Variants in WDR82 observed in about 807,000 individuals in gnomAD.
The protein encoded by WDR82 is WD repeat domain 82.
In WDR82, 8 loss-of-function variants were observed where a neutral mutation model predicts 36.1. The observed-to-expected ratio is 0.22, with a 90% CI of 0.13 to 0.40. The LOEUF (loss-of-function observed/expected upper bound fraction) is 0.40, where lower values mean the gene tolerates loss of function less well. Ranked by LOEUF, WDR82 falls within the 10% of genes least tolerant of loss-of-function variation. The pLI is 1.00. For missense variants in WDR82, 185 were observed against 400.5 expected (o/e 0.46, Z 4.59); for synonymous variants, 129 against 137.8 (o/e 0.94, Z 0.45).
At position 52,259,882 on chromosome 3, in the gene WDR82, A is replaced by T; in HGVS notation, c.544-10T>A. Reference sequence around the variant, plus strand: ...AGGTAGCAAATGGCCCCTGCAAAAGATAAAAAACAGTAGCCCCAGGCATAT... The same window carrying T: ...AGGTAGCAAATGGCCCCTGCAAAAGTTAAAAAACAGTAGCCCCAGGCATAT... On this transcript the variant is annotated splice_polypyrimidine_tract_variant and intron_variant, in intron 5 of 8. Coordinates refer to ENST00000296490, the MANE Select transcript of WDR82 (RefSeq NM_025222.4). The T allele has an allele frequency of 6.2e-7, 1 of 1,609,632 alleles. No individual in the cohort carries two copies. The highest frequency in any genetic ancestry group is 1.3e-5 in the African/African-American group (1 of 74,792).
At position 52,256,847 on chromosome 3, in the gene WDR82, G is replaced by C. The variant is rs1700013971; in HGVS notation, c.*643C>G. The C allele has an allele frequency of 6.6e-6, 1 of 152,650 alleles. No individual in the cohort carries two copies. Among genetic ancestry groups the C allele is most frequent in the Non-Finnish European group, 1.5e-5 (1 of 68,120 alleles). The allele number at this position is 152,650 out of a possible 1,614,324, so 9.5% of individuals were successfully genotyped here. ...TTCCCACCCAACACCTACAGCCCGA[G>C]GCCTGCCCAACCACCTAGCCTCACA... On this transcript the variant is annotated 3_prime_UTR_variant, in exon 9 of 9. Coordinates refer to ENST00000296490, the MANE Select transcript of WDR82 (RefSeq NM_025222.4).
At chr3:52,264,806 T>C (rs1700091410) in intron 3 of WDR82, among the ~76,000 whole-genome samples, 1 of 152,068 alleles carries the variant, frequency 6.6e-6, no homozygotes. Flanking sequence ...ACTCTTTTTT[T>C]TGGAGACACG....
At chr3:52,265,699 C>T (rs1166826531) in intron 3 of WDR82, among the ~76,000 whole-genome samples, 2 of 151,802 alleles carry the variant, frequency 1.3e-5, no homozygotes, top group East Asian at 1.9e-4. Flanking sequence ...CCTGAGCCTC[C>T]GAAGTAGTAG....
intron 3 of WDR82, among the ~76,000 whole-genome samples, chr3:52,264,326 A>G (rs1700087309): frequency 2.0e-5 from 3 of 152,222 alleles, no homozygotes; most frequent in South Asian, 4.1e-4. Context: ...TTTAGAGTCA[A>G]AACAGAGGCT....
At chr3:52,268,983 T>C (rs1700129885) in intron 2 of WDR82, among the ~76,000 whole-genome samples, 1 of 152,064 alleles carries the variant, frequency 6.6e-6, no homozygotes, top group Non-Finnish European at 1.5e-5. Flanking sequence ...CCTGGCTAAT[T>C]TTTGTATTTT....
intron 3 of WDR82, among the ~76,000 whole-genome samples, chr3:52,266,060 A>G (rs1272525533): frequency 1.3e-5 from 2 of 152,226 alleles, no homozygotes; most frequent in Non-Finnish European, 2.9e-5. Context: ...AAATTAGAGA[A>G]AAAAGTAACT....
At position 52,278,386 on chromosome 3, in the gene WDR82, C is replaced by G. The variant is rs768129950; in HGVS notation, c.-25G>C. Reference sequence around the variant, plus strand: ...TGGCGGCGGCTGGGGAAGGCAGCGGCGGCGCAGGGCCGGGGCGGGGCCCGG... The same window carrying G: ...TGGCGGCGGCTGGGGAAGGCAGCGGGGGCGCAGGGCCGGGGCGGGGCCCGG... On this transcript the variant is annotated 5_prime_UTR_variant, in exon 1 of 9. Coordinates refer to ENST00000296490, the MANE Select transcript of WDR82 (RefSeq NM_025222.4). 6 of 1,469,674 alleles carry G rather than the reference C, an allele frequency of 4.1e-6. No homozygotes were observed. In the South Asian group the frequency reaches 6.4e-5, roughly 16 times the overall value. 91.0% of individuals were successfully genotyped at this position (1,469,674 alleles called of 1,614,324 possible). A position where few individuals can be genotyped will look rare whatever the true frequency, so the allele number is the denominator to read the frequency against.
At chr3:52,272,111 CATTTCCAAGCTAGAGGTT>C (rs1449131027) in intron 1 of WDR82, among the ~76,000 whole-genome samples, 1 of 152,134 alleles carries the variant, frequency 6.6e-6, no homozygotes, top group Non-Finnish European at 1.5e-5. Context: ...AAAAATCACA[CATTTCCAAGCTAGAGGTT>C]ATCAATCTCC....
intron 4 of WDR82, among the ~76,000 whole-genome samples, chr3:52,260,789 CAAATAAAAATA>C (rs1307689540): frequency 1.3e-5 from 2 of 152,188 alleles, no homozygotes; most frequent in African/African-American, 4.8e-5. Flanking sequence ...ACACAGAATT[CAAATAAAAATA>C]AATCCCTTGA....
intron 5 of WDR82, 117 bp from the exon 6 acceptor site, chr3:52,259,989 C>T (rs1700046575): frequency 8.0e-7 from 1 of 1,247,052 alleles, no homozygotes; most frequent in Non-Finnish European, 1.1e-6. Context: ...GAATGAGCTA[C>T]TTCTCTGCCA....
chr3:52,277,101 T>TAATAATAATA (rs899698387), intron 1 of WDR82, among the ~76,000 whole-genome samples: 1 of 145,942 alleles, frequency 6.9e-6, no homozygotes, highest in African/African-American at 2.5e-5. Context: ...ATAATAATAA[T>TAATAATAATA]ATCTGTTACT....
In WDR82 at chr3:52,258,595, T is replaced by C. The variant is rs1478883724; in HGVS notation, c.853A>G (p.Ile285Val). ...TTGGGGTTGAATTGCAAACAGGTAA[T>C]CGGGCCTGTGTGTTTACCATCCAAC... ...AVLDGKHTGP[I>V]TCLQFNPKFM... Residue 285 changes from isoleucine to valine, a missense_variant, in exon 8 of 9, where the codon ATT becomes GTT. Ile to Val is a conservative substitution (Grantham distance 29). This residue lies in a region of WDR82 where 110 missense variants were observed against 212.6 expected (regional missense o/e 0.52). Transcript: ENST00000296490. 1 of 1,614,134 alleles carries C rather than the reference T, an allele frequency of 6.2e-7. No homozygotes were observed. Among genetic ancestry groups the C allele is most frequent in the Non-Finnish European group, 8.5e-7 (1 of 1,179,992 alleles).
chr3:52,267,829 T>C (rs1250491983), intron 2 of WDR82: 2 of 152,560 alleles, frequency 1.3e-5, no homozygotes, highest in South Asian at 2.0e-4. Flanking sequence ...AACTGCAAAA[T>C]AGAAAAGTAT....
In WDR82 at chr3:52,258,646, C is replaced by T; in HGVS notation, c.802G>A (p.Gly268Arg). The change falls in exon 8 of 9, where the codon GGA (glycine) becomes AGA (arginine). Residue 268 changes from glycine to arginine, a missense_variant. Physicochemically the swap from Gly to Arg is moderately radical, Grantham distance 125 (BLOSUM62 -2). Transcript: ENST00000296490. ...SEDGKIHVWN[G>R]ESGIKVAVLD... ...ACAGCTACTTTTATACCGCTCTCTCCATTCCAGACATGGATCTTGCCATCC... is the reference window on the plus strand; with the variant it reads ...ACAGCTACTTTTATACCGCTCTCTCTATTCCAGACATGGATCTTGCCATCC... The T allele has an allele frequency of 6.2e-7, 1 of 1,614,258 alleles. No homozygotes were observed. Among genetic ancestry groups the T allele is most frequent in the Non-Finnish European group, 8.5e-7 (1 of 1,180,048 alleles).
At chr3:52,267,169 G>A (rs150005819) in intron 2 of WDR82, 151 bp from the exon 3 acceptor site, 169 of 540,282 alleles carry the variant, frequency 3.1e-4, no homozygotes, top group African/African-American at 2.8e-3. Flanking sequence ...ATTCTACTCT[G>A]CAGCTGAAGA....
intron 1 of WDR82, 186 bp downstream of exon 1, chr3:52,278,014 CT>C (rs370927208): frequency 4.3e-3 from 1,805 of 421,530 alleles, no homozygotes; most frequent in African/African-American, 5.8e-3. Flanking sequence ...CTATCGTTAT[CT>C]TTTTTTTTTA....
At chr3:52,262,249 G>C (rs1043560367) in intron 3 of WDR82, among the ~76,000 whole-genome samples, 2 of 152,200 alleles carry the variant, frequency 1.3e-5, no homozygotes, top group African/African-American at 4.8e-5. Flanking sequence ...TAGGGGCTGA[G>C]GGAGTGATTA....
intron 3 of WDR82, among the ~76,000 whole-genome samples, chr3:52,265,911 C>T (rs1700102271): frequency 6.6e-6 from 1 of 152,090 alleles, no homozygotes; most frequent in South Asian, 2.1e-4. Context: ...GCTCTCAGGC[C>T]ATCTCCTGTC....
At chr3:52,274,259 G>T (rs1238311698) in intron 1 of WDR82, among the ~76,000 whole-genome samples, 1 of 152,126 alleles carries the variant, frequency 6.6e-6, no homozygotes, top group African/African-American at 2.4e-5. Context: ...TAACACTAGG[G>T]TCATCTAATA....
Sources: gnomAD v4.1 joint callset for allele counts (sites outside exome capture counted in the v4.1 genomes callset) on GRCh38, gnomAD v4.1.1 for gene constraint, gnomAD v4.1.1 regional missense constraint, MANE v1.5 for transcripts, NCBI Gene and HGNC (gene_info 2026-07-23, HGNC 2026-07-21) for gene names.